PHF21A: variants seen among roughly 807,000 people sequenced by gnomAD.
PHF21A encodes PHD finger protein 21A, also known as BHC80a.
PHF21A carries 11 observed loss-of-function variants against 82.5 expected under a neutral mutation model. The observed-to-expected ratio is 0.13, with a 90% CI of 0.08 to 0.22. The LOEUF (loss-of-function observed/expected upper bound fraction) is 0.22. Among genes scored for constraint, PHF21A ranks in the 10% least tolerant of loss-of-function variants. PHF21A has a pLI of 1.00. For synonymous variants in PHF21A, 297 were observed against 302.8 expected (o/e 0.98, Z 0.20); for missense variants, 579 against 837.8 (o/e 0.69, Z 3.81).
chr11:45,963,717 C>A (rs1565286090), intron 10 of PHF21A, among the ~76,000 whole-genome samples: 1 of 151,968 alleles, frequency 6.6e-6, no homozygotes, highest in South Asian at 2.1e-4. Flanking sequence ...TATTTAATAA[C>A]CTAAAATAGT....
At chr11:45,940,198 CTTTT>C (rs111757512) in intron 15 of PHF21A, among the ~76,000 whole-genome samples, 1 of 142,240 alleles carries the variant, frequency 7.0e-6, no homozygotes, top group Admixed American at 7.0e-5. Flanking sequence ...TAATCTTTTT[CTTTT>C]TTTTTTTTTT....
At chr11:46,035,328 T>C (rs2095973919) in intron 6 of PHF21A, among the ~76,000 whole-genome samples, 1 of 152,236 alleles carries the variant, frequency 6.6e-6, no homozygotes, top group Non-Finnish European at 1.5e-5. Flanking sequence ...TTCATATGAA[T>C]GTTTTATTTT....
At chr11:46,107,867 G>A (rs544325298) in intron 1 of PHF21A, among the ~76,000 whole-genome samples, 4 of 150,682 alleles carry the variant, frequency 2.7e-5, no homozygotes, top group Non-Finnish European at 5.9e-5. Context: ...TTTTAACTGC[G>A]TTAAAAAATA....
At chr11:45,987,042 G>A (rs998812301) in intron 6 of PHF21A, among the ~76,000 whole-genome samples, 1 of 151,990 alleles carries the variant, frequency 6.6e-6, no homozygotes, top group Non-Finnish European at 1.5e-5. Flanking sequence ...CCTCTATGGT[G>A]GTTCAGGGCC....
intron 6 of PHF21A, among the ~76,000 whole-genome samples, chr11:46,013,141 T>C (rs914857145): frequency 2.0e-5 from 3 of 152,222 alleles, no homozygotes; most frequent in Non-Finnish European, 4.4e-5. Flanking sequence ...ATATACCCAG[T>C]AATGGGATTG....
intron 3 of PHF21A, among the ~76,000 whole-genome samples, chr11:46,086,777 G>C (rs752548665): frequency 5.9e-5 from 9 of 152,070 alleles, no homozygotes; most frequent in Non-Finnish European, 1.2e-4. Flanking sequence ...TAAAACCATA[G>C]TTCAATTCAA....
At chr11:45,938,507 C>G (rs2089641119) in intron 15 of PHF21A, among the ~76,000 whole-genome samples, 195 bp from the exon 16 acceptor site, 1 of 152,146 alleles carries the variant, frequency 6.6e-6, no homozygotes, top group African/African-American at 2.4e-5. Context: ...TGGGTGGGGA[C>G]AGTACAATAG....
At chr11:46,114,626 C>A (rs2097265376) in intron 1 of PHF21A, among the ~76,000 whole-genome samples, 1 of 152,062 alleles carries the variant, frequency 6.6e-6, no homozygotes, top group South Asian at 2.1e-4. Flanking sequence ...CCACTTTTAT[C>A]AGGAAATTAC....
At chr11:45,971,890 C>CTTTTTTTTTTTTTTTTTTTTTTT (rs377734291) in intron 7 of PHF21A, among the ~76,000 whole-genome samples, 59 of 50,224 alleles carry the variant, frequency 1.2e-3, no homozygotes, top group Non-Finnish European at 1.7e-3. Context: ...CTTTTTCTTT[C>CTTTTTTTTTTTTTTTTTTTTTTT]TTTTTTTTTT....
chr11:45,935,703 C>G lies in PHF21A; in HGVS notation c.1721G>C (p.Ser574Thr). ...EEEKQKLLKW[S>T]SDLKQEREQL... is the part of the protein sequence containing the mutation. ...TTCTCGTTCTTGTTTTAAATCTGAA[C>G]TCCATTTAAGTAACTTCTGTTTCTC... Residue 574 changes from serine (S) to threonine (T), a missense_variant, in exon 18 of 19, where the codon AGT (serine) becomes ACT (threonine). By Grantham distance (58) the Ser-to-Thr change is moderately conservative. Around this residue, in one of 3 missense-constraint regions of PHF21A, gnomAD observed 157 missense variants for 149.4 expected, o/e 1.05. Transcript: ENST00000676320. 13 of 1,310,348 alleles carry G rather than the reference C, an allele frequency of 9.9e-6. No homozygotes were observed. The highest frequency in any genetic ancestry group is 1.4e-5 in the Non-Finnish European group (13 of 925,840). The allele number at this position is 1,310,348 out of a possible 1,614,324, so 81.2% of individuals were successfully genotyped here. A position where few individuals can be genotyped will look rare whatever the true frequency, so the allele number is the denominator to read the frequency against.
intron 6 of PHF21A, among the ~76,000 whole-genome samples, chr11:46,038,730 G>A (rs137936762): frequency 1.0e-3 from 154 of 152,232 alleles, no homozygotes; most frequent in Non-Finnish European, 1.9e-3. Context: ...AAGCATGCTA[G>A]CATACTTGCT....
intron 6 of PHF21A, among the ~76,000 whole-genome samples, chr11:46,015,990 A>T (rs1391522215): frequency 6.6e-6 from 1 of 152,220 alleles, no homozygotes; most frequent in Non-Finnish European, 1.5e-5. Flanking sequence ...ATAAACTGAT[A>T]ACACAGTCAT....
At chr11:46,094,223 C>T (rs879511481) in intron 1 of PHF21A, among the ~76,000 whole-genome samples, 9 of 152,186 alleles carry the variant, frequency 5.9e-5, no homozygotes, top group African/African-American at 1.4e-4. Context: ...ATCTCCAAGG[C>T]ATTTTCTCCA....
chr11:45,958,611 A>C (rs1247146066), intron 10 of PHF21A, among the ~76,000 whole-genome samples: 1 of 150,330 alleles, frequency 6.7e-6, no homozygotes, highest in African/African-American at 2.5e-5. Flanking sequence ...GTCTCCAAAA[A>C]ATAACGAAAA....
intron 1 of PHF21A, among the ~76,000 whole-genome samples, chr11:46,094,825 G>A (rs750773115): frequency 7.2e-5 from 11 of 152,116 alleles, no homozygotes; most frequent in Admixed American, 2.0e-4. Context: ...ACTTGAACCC[G>A]GGAGGCAGAG....
intron 2 of PHF21A, among the ~76,000 whole-genome samples, chr11:46,091,568 C>T (rs2074387473): frequency 1.3e-5 from 2 of 152,248 alleles, no homozygotes; most frequent in Admixed American, 6.5e-5. Context: ...GCTAACTAAT[C>T]CAATATTAAT....
chr11:46,046,594 T>C (rs755022706), intron 6 of PHF21A, among the ~76,000 whole-genome samples: 1 of 152,242 alleles, frequency 6.6e-6, no homozygotes, highest in African/African-American at 2.4e-5. Flanking sequence ...GAGGCCTTTC[T>C]AATCATTTTG....
chr11:46,054,151 T>C (rs968773012), intron 6 of PHF21A, among the ~76,000 whole-genome samples: 4 of 152,176 alleles, frequency 2.6e-5, no homozygotes, highest in African/African-American at 9.7e-5. Flanking sequence ...AATACACTAG[T>C]AAAAGTTGTA....
At chr11:46,033,412 G>A (rs2095909396) in intron 6 of PHF21A, among the ~76,000 whole-genome samples, 1 of 152,062 alleles carries the variant, frequency 6.6e-6, no homozygotes, top group Non-Finnish European at 1.5e-5. Flanking sequence ...CCACAGGTGT[G>A]CACCACCACA....
Sources: allele counts gnomAD v4.1 joint callset (sites outside exome capture counted in the v4.1 genomes callset), GRCh38; gene constraint gnomAD v4.1.1; regional missense constraint gnomAD v4.1.1; transcripts MANE v1.5; gene names NCBI Gene and HGNC (gene_info 2026-07-23, HGNC 2026-07-21).